The following EBF1 variants were observed in gnomAD, a reference collection of about 807,000 sequenced individuals.
The protein encoded by EBF1 is transcription factor COE1.
A neutral mutation model predicts 68.4 loss-of-function variants in EBF1; 10 were observed. The observed-to-expected ratio is 0.15, with a 90% CI of 0.09 to 0.25. The LOEUF (loss-of-function observed/expected upper bound fraction) is 0.25, where lower values mean the gene tolerates loss of function less well. Ranked by LOEUF, EBF1 falls within the 10% of genes least tolerant of loss-of-function variation. The pLI is 1.00. For synonymous variants in EBF1, 298 were observed against 299.8 expected, an observed-to-expected ratio of 0.99 and a Z score of 0.06; for missense variants, 509 against 794.4, an observed-to-expected ratio of 0.64 and a Z score of 4.32.
At chr5:159,038,925 C>T (rs1487779807) in intron 6 of EBF1, among the ~76,000 whole-genome samples, 4 of 152,126 alleles carry the variant, frequency 2.6e-5, no homozygotes, top group East Asian at 1.9e-4. Flanking sequence ...AATGGAGAGG[C>T]GATTTCCTTC....
chr5:158,727,826 G>GT (rs1250349221), intron 11 of EBF1, among the ~76,000 whole-genome samples: 7 of 152,100 alleles, frequency 4.6e-5, no homozygotes, highest in Admixed American at 6.5e-5. Flanking sequence ...GCACGTCCAA[G>GT]TTTTTTTGAA....
At chr5:158,767,154 C>T (rs1181682822) in intron 10 of EBF1, among the ~76,000 whole-genome samples, 3 of 152,080 alleles carry the variant, frequency 2.0e-5, no homozygotes, top group Non-Finnish European at 4.4e-5. Context: ...ATTGTGAGAG[C>T]TTATCTGTCT....
intron 6 of EBF1, among the ~76,000 whole-genome samples, chr5:158,961,229 A>AACCTTT (rs1367162627): frequency 6.6e-6 from 1 of 152,216 alleles, no homozygotes; most frequent in Non-Finnish European, 1.5e-5. Context: ...TAAACAGTAT[A>AACCTTT]ACCTTTTTGG....
At chr5:159,021,585 T>C (rs763662342) in intron 6 of EBF1, among the ~76,000 whole-genome samples, 9 of 152,186 alleles carry the variant, frequency 5.9e-5, no homozygotes, top group Non-Finnish European at 1.3e-4. Context: ...CGTGCGTGTG[T>C]ATATAAAGAC....
chr5:159,084,270 T>C (rs2127981338), intron 5 of EBF1, among the ~76,000 whole-genome samples: 2 of 152,274 alleles, frequency 1.3e-5, no homozygotes, highest in Middle Eastern at 6.8e-3. Context: ...AACTTTCAAG[T>C]CTTACCCAAA....
chr5:158,810,052 TG>T (rs1157186593), intron 8 of EBF1, among the ~76,000 whole-genome samples: 1 of 152,166 alleles, frequency 6.6e-6, no homozygotes, highest in African/African-American at 2.4e-5. Flanking sequence ...CTGCCAAAGT[TG>T]AAAGGTAGAG....
intron 6 of EBF1, among the ~76,000 whole-genome samples, chr5:158,849,805 A>G (rs1792269046): frequency 6.6e-6 from 1 of 152,242 alleles, no homozygotes. Context: ...AAACAACTGC[A>G]TTGTAAAACT....
At chr5:158,880,712 C>G (rs1009117241) in intron 6 of EBF1, among the ~76,000 whole-genome samples, 1 of 152,110 alleles carries the variant, frequency 6.6e-6, no homozygotes, top group African/African-American at 2.4e-5. Context: ...GAACGGTGTT[C>G]GGTTCAGTTG....
chr5:158,795,903 C>A (rs961093730), intron 9 of EBF1, among the ~76,000 whole-genome samples: 1 of 152,102 alleles, frequency 6.6e-6, no homozygotes, highest in African/African-American at 2.4e-5. Context: ...AGTCAAGAAC[C>A]ACCTACACCT....
intron 6 of EBF1, among the ~76,000 whole-genome samples, chr5:158,919,630 C>T (rs1374945682): frequency 1.3e-5 from 2 of 152,104 alleles, no homozygotes; most frequent in Non-Finnish European, 1.5e-5. Context: ...AAACCTGAAA[C>T]AGAACCACAT....
At position 159,095,641 on chromosome 5, in the gene EBF1, G is replaced by A; in HGVS notation, c.390C>T (p.Leu130=). 1 of 1,614,046 alleles carries A rather than the reference G, an allele frequency of 6.2e-7. No individual in the cohort carries two copies. The highest frequency in any genetic ancestry group is 8.5e-7 in the Non-Finnish European group (1 of 1,179,920). The change falls in exon 4 of 16, where the codon CTC becomes CTT. Residue 130 remains leucine, a synonymous_variant. Coordinates refer to ENST00000313708, the MANE Select transcript of EBF1 (RefSeq NM_024007.5). ...TTACTTGTTTTGTCATGGAGTCAAT[G>A]AGGCGCACGTAGAAATCCTGCTCCG... The part of the protein sequence containing the change: ...IRTEQDFYVR[L]IDSMTKQAIV...
At chr5:158,930,272 G>GT (rs1410851693) in intron 6 of EBF1, among the ~76,000 whole-genome samples, 1 of 42,022 alleles carries the variant, frequency 2.4e-5, no homozygotes, top group African/African-American at 4.5e-5. Flanking sequence ...TTTTTTTTTT[G>GT]TTTGTTTTTT....
intron 6 of EBF1, among the ~76,000 whole-genome samples, chr5:158,978,246 C>A (rs1757174239): frequency 6.6e-6 from 1 of 152,262 alleles, no homozygotes; most frequent in South Asian, 2.1e-4. Context: ...CATGCGGCCG[C>A]TGTGAGGCTG....
At chr5:158,750,340 A>T (rs938016314) in intron 10 of EBF1, among the ~76,000 whole-genome samples, 2 of 152,100 alleles carry the variant, frequency 1.3e-5, no homozygotes, top group African/African-American at 4.8e-5. Context: ...CTTTAGTAGC[A>T]TGGGTTCAAA....
intron 6 of EBF1, among the ~76,000 whole-genome samples, chr5:158,845,041 C>T (rs751253033): frequency 1.4e-4 from 21 of 152,194 alleles, no homozygotes; most frequent in Non-Finnish European, 2.1e-4. Context: ...CAGGATCTGA[C>T]TCACCTACAT....
chr5:158,768,367 G>GA (rs1310587566), intron 10 of EBF1, among the ~76,000 whole-genome samples: 1 of 151,792 alleles, frequency 6.6e-6, no homozygotes, highest in East Asian at 1.9e-4. Context: ...ATTTTTAAAT[G>GA]AAAAAAGATA....
intron 6 of EBF1, among the ~76,000 whole-genome samples, chr5:158,888,163 T>C (rs1270193009): frequency 6.6e-6 from 1 of 152,186 alleles, no homozygotes; most frequent in Non-Finnish European, 1.5e-5. Context: ...GCAACATATA[T>C]TGACAGTTAC....
chr5:158,796,197 T>A, intron 9 of EBF1, 148 bp downstream of exon 9: 1 of 835,890 alleles, frequency 1.2e-6, no homozygotes, highest in Non-Finnish European at 1.6e-6. Context: ...CCAAACCAAC[T>A]CTTCTAGTTT....
chr5:158,978,343 C>T (rs1757195849), intron 6 of EBF1, among the ~76,000 whole-genome samples: 1 of 152,250 alleles, frequency 6.6e-6, no homozygotes, highest in Admixed American at 6.5e-5. Flanking sequence ...CCAATCACGA[C>T]ATGTATTTGC....
Sources: allele counts gnomAD v4.1 joint callset (sites outside exome capture counted in the v4.1 genomes callset), GRCh38; gene constraint gnomAD v4.1.1; transcripts MANE v1.5; gene names NCBI Gene and HGNC (gene_info 2026-07-23, HGNC 2026-07-21).